The following ABHD2 variants were observed in gnomAD, a reference collection of about 807,000 sequenced individuals.
The protein encoded by ABHD2 is monoacylglycerol lipase ABHD2.
ABHD2 carries 20 observed loss-of-function variants against 48.1 expected under a neutral mutation model. The observed-to-expected ratio is 0.42, with a 90% CI of 0.29 to 0.60. The LOEUF (loss-of-function observed/expected upper bound fraction) is 0.60, where lower values mean the gene tolerates loss of function less well. ABHD2 is among the 20% of genes least tolerant of loss of function. The pLI is 0.24. For missense variants in ABHD2, 405 were observed against 550.9 expected, an observed-to-expected ratio of 0.74 and a Z score of 2.65; for synonymous variants, 209 against 214.2, an observed-to-expected ratio of 0.98 and a Z score of 0.21.
intron 10 of ABHD2, among the ~76,000 whole-genome samples, chr15:89,194,589 A>T (rs547565647): frequency 6.6e-6 from 1 of 152,312 alleles, no homozygotes; most frequent in South Asian, 2.1e-4. Context: ...GTGAAAACTC[A>T]TTGACTCCAT....
chr15:89,191,424 G>C (rs796646906), intron 9 of ABHD2, among the ~76,000 whole-genome samples: 25 of 152,116 alleles, frequency 1.6e-4, no homozygotes, highest in African/African-American at 5.3e-4. Flanking sequence ...GTCTTCCTTT[G>C]ACAGTATAAT....
chr15:89,041,623 G>A, the ABHD2 span, among the ~76,000 whole-genome samples: 1 of 152,212 alleles, frequency 6.6e-6, no homozygotes, highest in Non-Finnish European at 1.5e-5. Context: ...CTCTGTCCGG[G>A]CATCTGGGTA....
the ABHD2 span, among the ~76,000 whole-genome samples, chr15:89,051,024 G>A: frequency 1.3e-5 from 2 of 152,210 alleles, no homozygotes; most frequent in African/African-American, 4.8e-5. Flanking sequence ...CCTGAGGTCA[G>A]GAGTTGGAGA....
At chr15:89,152,242 A>AT (rs1260603830) in intron 4 of ABHD2, among the ~76,000 whole-genome samples, 94 of 149,382 alleles carry the variant, frequency 6.3e-4, no homozygotes, top group Admixed American at 1.7e-3. Flanking sequence ...CGCTCGGCTA[A>AT]TTTTTTTTTT....
At position 89,171,960 on chromosome 15, in the gene ABHD2, A is replaced by C. The variant is rs4932211; in HGVS notation, c.539-3852A>C. ...TCCCCAGGTGTTTGGCTTTGAGGCT[A>C]TTTCTTTAACTCTCTCAATGATTCA... is the stretch of plus-strand genomic sequence containing the variant. On this transcript the variant is annotated intron_variant, in intron 5 of 10. Transcript: ENST00000352732. 7.6e-3 allele frequency among the ~76,000 whole-genome samples: 1,152 copies of C among 152,042 alleles called. 2 individuals carry two copies. Among genetic ancestry groups the C allele is most frequent in the Non-Finnish European group, 0.012 (791 of 67,984 alleles).
chr15:89,113,164 C>G (rs1229199248), intron 1 of ABHD2, among the ~76,000 whole-genome samples: 1 of 152,210 alleles, frequency 6.6e-6, no homozygotes, highest in East Asian at 1.9e-4. Flanking sequence ...AGCAGCCAGC[C>G]TCTGGCCATA....
In ABHD2 at chr15:89,183,368, C is replaced by CA. The variant is rs1233981139; in HGVS notation, c.723-2039dup. ...TGGTATTGAAGACATCAGTCCTTTT[C>CA]AAAAAAAAAAAAAAAAATATATATA... On this transcript the variant is annotated intron_variant, in intron 6 of 10. Transcript: ENST00000352732. 560 of 61,856 alleles carry CA rather than the reference C, an allele frequency of 9.1e-3. 19 individuals are homozygous for CA. The highest frequency in any genetic ancestry group is 0.013 in the Non-Finnish European group (403 of 31,948). The allele number at this position is 61,856 out of a possible 1,614,324, so 3.8% of individuals were successfully genotyped here.
chr15:89,085,854 G>T (rs772625309), upstream of ABHD2, among the ~76,000 whole-genome samples: 1 of 152,126 alleles, frequency 6.6e-6, no homozygotes, highest in African/African-American at 2.4e-5. The surrounding 1 kb of genome is among the most constrained non-coding windows in gnomAD (Gnocchi z 4.2). Context: ...CTTTCCCTTA[G>T]CAAACACAGG....
At chr15:89,163,565 C>T (rs904161228) in intron 5 of ABHD2, among the ~76,000 whole-genome samples, 1 of 152,224 alleles carries the variant, frequency 6.6e-6, no homozygotes, top group African/African-American at 2.4e-5. Context: ...TAGTGAGTGG[C>T]AGAACCAGCC....
At chr15:89,156,208 C>A (rs1000862208) in intron 5 of ABHD2, among the ~76,000 whole-genome samples, 2 of 150,592 alleles carry the variant, frequency 1.3e-5, no homozygotes, top group South Asian at 2.1e-4. Context: ...GCAGGCTCCG[C>A]CTCCTGAGTT....
In ABHD2 at chr15:89,168,047, G is replaced by T. The variant is rs767549370; in HGVS notation, c.539-7765G>T. ...GCATGGAACATACAGAGATGACTCA[G>T]AGTCTCCATCCACAAGGAACACCAA... On this transcript the variant is annotated intron_variant, in intron 5 of 10. Coordinates refer to ENST00000352732, the MANE Select transcript of ABHD2 (RefSeq NM_152924.5). This position sits in a 1 kb window ranked among gnomAD's most constrained non-coding sequence, Gnocchi z 4.8. 2.6e-5 allele frequency among the ~76,000 whole-genome samples: 4 copies of T among 152,170 alleles called. No individual in the cohort carries two copies. The highest frequency in any genetic ancestry group is 6.5e-5 in the Admixed American group (1 of 15,272).
At position 89,094,597 on chromosome 15, in the gene ABHD2, A is replaced by G. The variant is rs1250528189; in HGVS notation, c.-107+6034A>G. Among the ~76,000 whole-genome samples, 1 of 151,992 alleles carries G rather than the reference A, an allele frequency of 6.6e-6. No individual in the cohort carries two copies. The highest frequency in any genetic ancestry group is 1.5e-5 in the Non-Finnish European group (1 of 67,996). The stretch of plus-strand genomic sequence containing the variant: ...GTGGTGTGCGCCTGTAGTCCCAGCT[A>G]CTTGGGAGACTGAGGCAGGAGAATC... On this transcript the variant is annotated intron_variant, in intron 1 of 10. Coordinates refer to ENST00000352732, the MANE Select transcript of ABHD2 (RefSeq NM_152924.5). This position sits in a 1 kb window ranked among gnomAD's most constrained non-coding sequence, Gnocchi z 4.7.
chr15:89,066,453 A>G, the ABHD2 span, among the ~76,000 whole-genome samples: 1 of 151,978 alleles, frequency 6.6e-6, no homozygotes, highest in Non-Finnish European at 1.5e-5. Context: ...GCCTACCTTA[A>G]TCCAGTATGA....
chr15:89,046,163 T>C, the ABHD2 span, among the ~76,000 whole-genome samples: 1 of 152,178 alleles, frequency 6.6e-6, no homozygotes, highest in Non-Finnish European at 1.5e-5. Context: ...ATCATGTGGT[T>C]TTTGTCTTTG....
At chr15:89,123,995 ACTT>A (rs1260083100) in intron 3 of ABHD2, among the ~76,000 whole-genome samples, 3 of 152,162 alleles carry the variant, frequency 2.0e-5, no homozygotes, top group African/African-American at 7.2e-5. Flanking sequence ...TGTTGTACAT[ACTT>A]CTTAACAGTA....
At chr15:89,183,295 T>C (rs1420202708) in intron 6 of ABHD2, 1 of 150,006 alleles carries the variant, frequency 6.7e-6, no homozygotes, top group East Asian at 2.0e-4. Context: ...ATGTTTCTTT[T>C]AGTCTGTAGG....
chr15:89,065,243 A>T, the ABHD2 span, among the ~76,000 whole-genome samples: 1 of 152,140 alleles, frequency 6.6e-6, no homozygotes, highest in African/African-American at 2.4e-5. Context: ...TTATCAGTTT[A>T]GAATACCCCT....
intron 6 of ABHD2, among the ~76,000 whole-genome samples, chr15:89,181,453 T>G (rs1215944704): frequency 2.0e-5 from 3 of 152,216 alleles, no homozygotes; most frequent in African/African-American, 7.2e-5. Context: ...ATTTTTTTAG[T>G]ATCGTCTACA....
chr15:89,131,760 A>G (rs377597261), intron 3 of ABHD2, among the ~76,000 whole-genome samples: 12 of 152,252 alleles, frequency 7.9e-5, no homozygotes, highest in Non-Finnish European at 1.2e-4. Flanking sequence ...AAAATTAACC[A>G]TAAGTGTTGC....
Sources: gnomAD v4.1 joint callset for allele counts (sites outside exome capture counted in the v4.1 genomes callset) on GRCh38, gnomAD v4.1.1 for gene constraint, Gnocchi (gnomAD v3.1) non-coding constraint, MANE v1.5 for transcripts, NCBI Gene and HGNC (gene_info 2026-07-23, HGNC 2026-07-21) for gene names.